Variants in STX2 observed in about 807,000 individuals in gnomAD.
STX2 encodes syntaxin 2.
STX2 carries 27 observed loss-of-function variants against 40.6 expected under a neutral mutation model. That is an observed-to-expected ratio of 0.66 (90% CI 0.49 to 0.92). The LOEUF (loss-of-function observed/expected upper bound fraction) is 0.92, where lower values mean the gene tolerates loss of function less well. Among genes scored for constraint, STX2 ranks in the 40% least tolerant of loss-of-function variants. The probability of loss-of-function intolerance (pLI) is 0.00; values close to 1 mark genes in which losing one functional copy is unlikely to be tolerated. For missense variants in STX2, 328 were observed against 366.1 expected (o/e 0.90, Z 0.85); for synonymous variants, 123 against 119.1 (o/e 1.03, Z -0.22).
At chr12:130,814,239 C>G (rs528358446) in intron 3 of STX2, among the ~76,000 whole-genome samples, 1 of 152,012 alleles carries the variant, frequency 6.6e-6, no homozygotes, top group Non-Finnish European at 1.5e-5. Context: ...CTAACAAGAC[C>G]GCCAGGGACC....
At chr12:130,834,595 A>G (rs188068557) in intron 1 of STX2, among the ~76,000 whole-genome samples, 9 of 152,312 alleles carry the variant, frequency 5.9e-5, no homozygotes, top group African/African-American at 2.2e-4. Flanking sequence ...CCTCAAGTTA[A>G]AAACAAGAAG....
intron 3 of STX2, among the ~76,000 whole-genome samples, chr12:130,819,308 C>A (rs572622786): frequency 6.6e-6 from 1 of 152,280 alleles, no homozygotes; most frequent in South Asian, 2.1e-4. Flanking sequence ...AGTAGTCCCC[C>A]TTCCTCCCTC....
Position 130,791,601 on chromosome 12 carries a change from A to G in STX2, c.*422T>C, listed in dbSNP as rs1950878262. 8.3e-6 allele frequency: 2 copies of G among 242,174 alleles called. No homozygotes were observed. Among genetic ancestry groups the G allele is most frequent in the African/African-American group, 4.5e-5 (2 of 44,596 alleles). The allele number at this position is 242,174 out of a possible 1,614,324, so 15.0% of individuals were successfully genotyped here. A position where few individuals can be genotyped will look rare whatever the true frequency, so the allele number is the denominator to read the frequency against. ...ACTTCATGCACATTTGTTAACACTGAAATATTTTTAATATTAAAATGTTCA... is the reference window on the plus strand; with the variant it reads ...ACTTCATGCACATTTGTTAACACTGGAATATTTTTAATATTAAAATGTTCA... On this transcript the variant is annotated 3_prime_UTR_variant, in exon 11 of 11. Transcript: ENST00000392373.
chr12:130,830,275 C>A (rs556685075), intron 1 of STX2, among the ~76,000 whole-genome samples: 2 of 152,178 alleles, frequency 1.3e-5, no homozygotes, highest in African/African-American at 4.8e-5. Flanking sequence ...CCCAGCGCCA[C>A]GCTTCCCTGT....
intron 9 of STX2, among the ~76,000 whole-genome samples, chr12:130,798,014 G>A (rs1214144057): frequency 2.0e-5 from 3 of 152,226 alleles, no homozygotes; most frequent in South Asian, 2.1e-4. Flanking sequence ...TTGGAAGGCC[G>A]AGATGGGCGG....
intron 1 of STX2, among the ~76,000 whole-genome samples, chr12:130,838,676 T>A (rs1296414674): frequency 1.3e-5 from 2 of 152,248 alleles, no homozygotes; most frequent in East Asian, 3.9e-4. Flanking sequence ...CGGACCACAG[T>A]TAGGCCAGTG....
chr12:130,793,599 T>G (rs1950941766), intron 10 of STX2, among the ~76,000 whole-genome samples: 1 of 152,222 alleles, frequency 6.6e-6, no homozygotes. Context: ...AGGAGTCATC[T>G]AATCTCCTGG....
In STX2 at chr12:130,816,244, C is replaced by T. The variant is rs1951854788; in HGVS notation, c.206-3213G>A. ...AGACGGTCTTGAGCCACCGCGCAGC[C>T]ACAGAAACCACAAGATCTGAGAGCT... On this transcript the variant is annotated intron_variant, in intron 3 of 10. Transcript: ENST00000392373. Among the ~76,000 whole-genome samples the T allele has an allele frequency of 2.0e-5, 3 of 152,288 alleles. No individual in the cohort carries two copies. The South Asian group carries it at 6.2e-4, about 32-fold the overall frequency.
chr12:130,793,599 TA>T (rs1950941939), intron 10 of STX2, among the ~76,000 whole-genome samples: 1 of 152,222 alleles, frequency 6.6e-6, no homozygotes, highest in African/African-American at 2.4e-5. Flanking sequence ...AGGAGTCATC[TA>T]ATCTCCTGGT....
In STX2 at chr12:130,839,228, G is replaced by C; in HGVS notation, c.-129C>G. The C allele has an allele frequency of 1.2e-6, 1 of 817,348 alleles. No homozygotes were observed. The highest frequency in any genetic ancestry group is 1.5e-6 in the Non-Finnish European group (1 of 663,910). The allele number at this position is 817,348 out of a possible 1,614,324, so 50.6% of individuals were successfully genotyped here. On this transcript the variant is annotated 5_prime_UTR_variant, in exon 1 of 11. Coordinates refer to ENST00000392373, the MANE Select transcript of STX2 (RefSeq NM_194356.4). ...CCCGGCGCCAGCAGCCCTCCCTGGA[G>C]CCGGCGCTGCCACGGCAACCGCGCC...
chr12:130,815,379 G>T (rs1000402694), intron 3 of STX2, among the ~76,000 whole-genome samples: 1 of 152,184 alleles, frequency 6.6e-6, no homozygotes, highest in Non-Finnish European at 1.5e-5. Context: ...TGAGCGTGAC[G>T]ACGGGGTGTT....
intron 2 of STX2, among the ~76,000 whole-genome samples, chr12:130,823,705 T>C (rs1310940022): frequency 6.6e-6 from 1 of 152,084 alleles, no homozygotes; most frequent in Admixed American, 6.5e-5. Flanking sequence ...TAGGAGGAGG[T>C]GATAAACGTG....
chr12:130,816,333 T>C (rs1951857428), intron 3 of STX2, among the ~76,000 whole-genome samples: 1 of 152,074 alleles, frequency 6.6e-6, no homozygotes, highest in Non-Finnish European at 1.5e-5. Flanking sequence ...CTCACTCCCC[T>C]GGGGAAAGAA....
intron 6 of STX2, among the ~76,000 whole-genome samples, chr12:130,806,373 TC>T (rs1342098057): frequency 6.6e-6 from 1 of 152,164 alleles, no homozygotes; most frequent in African/African-American, 2.4e-5. Flanking sequence ...TGAGCAGCTG[TC>T]CACGGCCCCC....
intron 1 of STX2, among the ~76,000 whole-genome samples, chr12:130,837,281 T>C (rs1037590370): frequency 2.0e-5 from 3 of 151,988 alleles, no homozygotes; most frequent in Admixed American, 6.6e-5. Context: ...GGATAGTTTT[T>C]TTGTGCGTGC....
intron 2 of STX2, 63 bp downstream of exon 2, chr12:130,827,130 G>A (rs1207696911): frequency 3.0e-6 from 2 of 658,250 alleles, no homozygotes; most frequent in Non-Finnish European, 4.8e-6. Context: ...AGGAGGGAGG[G>A]GTGGGGGGAG....
intron 1 of STX2, among the ~76,000 whole-genome samples, chr12:130,828,340 G>GC (rs1952406228): frequency 6.7e-6 from 1 of 149,158 alleles, no homozygotes; most frequent in East Asian, 2.0e-4. Flanking sequence ...TAATGCTTAT[G>GC]CCCCAACCTC....
chr12:130,833,320 G>A (rs907905089), intron 1 of STX2, among the ~76,000 whole-genome samples: 1 of 151,688 alleles, frequency 6.6e-6, no homozygotes, highest in Non-Finnish European at 1.5e-5. Context: ...AGGACAGGAA[G>A]GACCTCAGTG....
At chr12:130,835,692 A>G (rs941343923) in intron 1 of STX2, among the ~76,000 whole-genome samples, 3 of 152,154 alleles carry the variant, frequency 2.0e-5, no homozygotes, top group Non-Finnish European at 4.4e-5. Flanking sequence ...CACCCAGCAC[A>G]TGATCTGCTA....
Sources: gnomAD v4.1 joint callset for allele counts (sites outside exome capture counted in the v4.1 genomes callset) on GRCh38, gnomAD v4.1.1 for gene constraint, MANE v1.5 for transcripts, NCBI Gene and HGNC (gene_info 2026-07-23, HGNC 2026-07-21) for gene names.